Variants in ASZ1 observed in about 807,000 individuals in gnomAD.
The protein encoded by ASZ1 is ankyrin repeat, SAM and basic leucine zipper domain containing 1, also known as ankyrin repeat, SAM and basic leucine zipper domain-containing protein 1.
A neutral mutation model predicts 61.8 loss-of-function variants in ASZ1; 67 were observed. The ratio of observed to expected loss-of-function variants is 1.08; its 90% CI spans 0.89 to 1.33. The LOEUF (loss-of-function observed/expected upper bound fraction) is 1.33, where lower values mean the gene tolerates loss of function less well. Ranked by LOEUF, ASZ1 falls within the 40% of genes most tolerant of loss-of-function variation. ASZ1 has a pLI of 0.00. For synonymous variants in ASZ1, 193 were observed against 192.7 expected (o/e 1.00, Z -0.01); for missense variants, 577 against 554.5 (o/e 1.04, Z -0.41).
chr7:117,382,171 T>G, intron 7 of ASZ1, 27 bp from the exon 8 acceptor site: 2 of 1,336,252 alleles, frequency 1.5e-6, no homozygotes. Flanking sequence ...CAATGTCAAT[T>G]TCAGAACAGA....
chr7:117,396,063 A>T (rs1364746776), intron 4 of ASZ1, among the ~76,000 whole-genome samples: 1 of 152,202 alleles, frequency 6.6e-6, no homozygotes, highest in Non-Finnish European at 1.5e-5. Context: ...AGCTTTCAAC[A>T]TTTACTGGCT....
intron 4 of ASZ1, among the ~76,000 whole-genome samples, chr7:117,412,861 G>A (rs994996): frequency 0.53 from 80,945 of 151,552 alleles, 24,415 homozygotes; most frequent in African/African-American, 0.83. Flanking sequence ...TCAATTGCAT[G>A]TATTTTTTAA....
intron 4 of ASZ1, among the ~76,000 whole-genome samples, chr7:117,399,374 C>G (rs903907204): frequency 2.0e-5 from 3 of 152,288 alleles, no homozygotes; most frequent in African/African-American, 7.2e-5. Flanking sequence ...TTAAGTTTTC[C>G]CAGTTTTTGT....
In ASZ1 at chr7:117,406,995, A is replaced by C. The variant is rs544824197; in HGVS notation, c.440+13168T>G. ...CAGAAAGATAGAAAATGGAATAATA[A>C]AAAATAATATTTGATTAATCAAAAA... On this transcript the variant is annotated intron_variant, in intron 4 of 12. Coordinates refer to ENST00000284629, the MANE Select transcript of ASZ1 (RefSeq NM_130768.3). Among the ~76,000 whole-genome samples, 8 of 152,284 alleles carry C rather than the reference A, an allele frequency of 5.3e-5. No homozygotes were observed. In the South Asian group the frequency reaches 1.5e-3, roughly 28 times the overall value.
At chr7:117,371,564 TTACTC>T (rs1796050736) in intron 10 of ASZ1, among the ~76,000 whole-genome samples, 1 of 152,170 alleles carries the variant, frequency 6.6e-6, no homozygotes, top group African/African-American at 2.4e-5. Context: ...TTTCTGATCT[TTACTC>T]TAGAAAACAC....
Position 117,367,384 on chromosome 7 carries a change from T to G in ASZ1, c.1243A>C (p.Lys415Gln). The change falls in exon 12 of 13, where the codon AAG (lysine) becomes CAG (glutamine). Residue 415 changes from lysine to glutamine, a missense_variant. Physicochemically the swap from Lys to Gln is moderately conservative, Grantham distance 53. Coordinates refer to ENST00000284629, the MANE Select transcript of ASZ1 (RefSeq NM_130768.3). The stretch of plus-strand genomic sequence containing the variant: ...ATTAGGTCTTTTAGTTTGCAGACCT[T>G]TTCACTCAAATCTTCAACATTATTA... ...LVNNVEDLSE[K>Q]VCKLKDLIQK... 1 of 1,562,632 alleles carries G rather than the reference T, an allele frequency of 6.4e-7. No homozygotes were observed.
At chr7:117,390,129 C>G (rs1015044544) in intron 4 of ASZ1, among the ~76,000 whole-genome samples, 1 of 150,962 alleles carries the variant, frequency 6.6e-6, no homozygotes, top group South Asian at 2.1e-4. Context: ...TTTATCCACT[C>G]TTGAGTTGAT....
intron 4 of ASZ1, among the ~76,000 whole-genome samples, chr7:117,402,600 G>A (rs1796700605): frequency 6.6e-6 from 1 of 152,070 alleles, no homozygotes; most frequent in African/African-American, 2.4e-5. Flanking sequence ...TTTGTTTAAA[G>A]GCCTCATCTT....
intron 4 of ASZ1, among the ~76,000 whole-genome samples, chr7:117,410,471 C>T (rs1796869136): frequency 6.6e-6 from 1 of 151,388 alleles, no homozygotes; most frequent in Admixed American, 6.6e-5. Flanking sequence ...ACTATTTTGC[C>T]ATTATAATAC....
At chr7:117,414,552 G>A (rs150833852) in intron 4 of ASZ1, among the ~76,000 whole-genome samples, 1 of 151,990 alleles carries the variant, frequency 6.6e-6, no homozygotes, top group African/African-American at 2.4e-5. Flanking sequence ...TGTTCCATTG[G>A]TATACACGTG....
rs184031016 is a variant in ASZ1 at position 117,420,001 on chromosome 7, C to T, written c.440+162G>A. Among the ~76,000 whole-genome samples the T allele has an allele frequency of 1.9e-3, 292 of 152,234 alleles. 4 individuals carry two copies. Among genetic ancestry groups the T allele is most frequent in the Admixed American group, 0.014 (207 of 15,300 alleles). ...TTGAAAGACTACTTTCATGATATCC[C>T]CTTCCTCTGATAATCTTATAGAATT... On this transcript the variant is annotated intron_variant, in intron 4 of 12. Transcript: ENST00000284629.
At chr7:117,404,224 A>G (rs1796736385) in intron 4 of ASZ1, among the ~76,000 whole-genome samples, 1 of 151,616 alleles carries the variant, frequency 6.6e-6, no homozygotes, top group Non-Finnish European at 1.5e-5. Flanking sequence ...AGTGCCTGCC[A>G]TCTCTCTGTG....
chr7:117,417,188 A>T (rs907889260), intron 4 of ASZ1, among the ~76,000 whole-genome samples: 2 of 126,426 alleles, frequency 1.6e-5, no homozygotes, highest in African/African-American at 4.8e-5. Flanking sequence ...CGTATTAGTT[A>T]AAAAAAAAAA....
At chr7:117,379,168 T>TATACACACAC (rs1161457624) in intron 10 of ASZ1, among the ~76,000 whole-genome samples, 1 of 69,724 alleles carries the variant, frequency 1.4e-5, no homozygotes, top group African/African-American at 5.5e-5. Flanking sequence ...TATATATATA[T>TATACACACAC]ACACACACAC....
chr7:117,379,931 A>G lies in ASZ1; in HGVS notation c.1055+7T>C. On this transcript the variant is annotated splice_region_variant and intron_variant, in intron 10 of 12. Transcript: ENST00000284629. ...ATTAATAATATAAACAAATAAGTTAATTTTACCTGATTTCCAACTTTGTCT... is the reference window on the plus strand; with the variant it reads ...ATTAATAATATAAACAAATAAGTTAGTTTTACCTGATTTCCAACTTTGTCT... 6.5e-7 allele frequency: 1 copy of G among 1,535,220 alleles called. No individual in the cohort carries two copies. Among genetic ancestry groups the G allele is most frequent in the South Asian group, 1.1e-5 (1 of 88,222 alleles).
At chr7:117,374,591 A>G (rs1453080226) in intron 10 of ASZ1, among the ~76,000 whole-genome samples, 2 of 152,180 alleles carry the variant, frequency 1.3e-5, no homozygotes, top group South Asian at 2.1e-4. Flanking sequence ...TAGGGAAAAA[A>G]TCAAACTGGA....
intron 10 of ASZ1, among the ~76,000 whole-genome samples, chr7:117,377,710 A>G (rs1432178908): frequency 6.6e-6 from 1 of 152,144 alleles, no homozygotes; most frequent in Non-Finnish European, 1.5e-5. Flanking sequence ...TAAAATGTAT[A>G]TGGAAAGAAA....
At chr7:117,384,089 A>C (rs1045147755) in intron 6 of ASZ1, among the ~76,000 whole-genome samples, 2 of 152,084 alleles carry the variant, frequency 1.3e-5, no homozygotes, top group Non-Finnish European at 2.9e-5. Flanking sequence ...TGAACTAAAC[A>C]ACTTAGTTTT....
intron 2 of ASZ1, among the ~76,000 whole-genome samples, chr7:117,424,741 T>G (rs183874032): frequency 6.6e-6 from 1 of 152,236 alleles, no homozygotes; most frequent in Non-Finnish European, 1.5e-5. Context: ...ATGTACACTA[T>G]ACATATATTA....
Sources: allele counts gnomAD v4.1 joint callset (sites outside exome capture counted in the v4.1 genomes callset), GRCh38; gene constraint gnomAD v4.1.1; transcripts MANE v1.5; gene names NCBI Gene and HGNC (gene_info 2026-07-23, HGNC 2026-07-21).